The following LARGE1 variants were observed in gnomAD, a reference collection of about 807,000 sequenced individuals.
The protein encoded by LARGE1 is xylosyl- and glucuronyltransferase LARGE1.
A neutral mutation model predicts 87.6 loss-of-function variants in LARGE1; 43 were observed. The observed-to-expected ratio is 0.49, with a 90% CI of 0.38 to 0.63. The LOEUF is 0.63. Ranked by LOEUF, LARGE1 falls within the 30% of genes least tolerant of loss-of-function variation. LARGE1 has a pLI of 0.00. For synonymous variants in LARGE1, 434 were observed against 394.6 expected, an observed-to-expected ratio of 1.10 and a Z score of -1.18; for missense variants, 802 against 1,000.2, an observed-to-expected ratio of 0.80 and a Z score of 2.67.
intron 9 of LARGE1, among the ~76,000 whole-genome samples, chr22:33,365,976 C>T (rs537494787): frequency 4.6e-5 from 7 of 152,284 alleles, no homozygotes; most frequent in East Asian, 3.9e-4. Flanking sequence ...ATTAAATTTA[C>T]GGATTCATTC....
intron 6 of LARGE1, among the ~76,000 whole-genome samples, chr22:33,556,538 AGGAGGGAG>A (rs769770874): frequency 1.1e-3 from 81 of 72,570 alleles, no homozygotes; most frequent in Middle Eastern, 0.01. Context: ...GAGGGAGGGA[AGGAGGGAG>A]GGAGGGAGGG....
intron 6 of LARGE1, among the ~76,000 whole-genome samples, chr22:33,474,965 C>T (rs1306141446): frequency 6.6e-6 from 1 of 152,118 alleles, no homozygotes; most frequent in Non-Finnish European, 1.5e-5. Flanking sequence ...TTGTTTCTGA[C>T]AGTAATATCA....
intron 11 of LARGE1, among the ~76,000 whole-genome samples, chr22:33,306,180 A>C (rs1317137774): frequency 6.6e-6 from 1 of 152,088 alleles, no homozygotes; most frequent in Non-Finnish European, 1.5e-5. Context: ...TGCATTCTCC[A>C]TGACGCCTAA....
intron 1 of LARGE1, among the ~76,000 whole-genome samples, chr22:33,841,749 G>A (rs1798986177): frequency 6.6e-6 from 1 of 152,216 alleles, no homozygotes; most frequent in Non-Finnish European, 1.5e-5. Flanking sequence ...GTGGGTGTGA[G>A]TGTGGGTCTC....
intron 6 of LARGE1, among the ~76,000 whole-genome samples, chr22:33,505,023 G>A (rs1019234042): frequency 1.3e-5 from 2 of 152,228 alleles, no homozygotes; most frequent in Admixed American, 6.5e-5. Flanking sequence ...GGGGCATCAG[G>A]TATGAGGAGG....
intron 11 of LARGE1, among the ~76,000 whole-genome samples, chr22:33,247,170 A>C (rs1167301812): frequency 6.6e-6 from 1 of 152,182 alleles, no homozygotes; most frequent in East Asian, 1.9e-4. Flanking sequence ...GATTCATTAA[A>C]AAAAAACAAA....
intron 7 of LARGE1, among the ~76,000 whole-genome samples, chr22:33,411,580 T>G (rs1291612130): frequency 6.6e-6 from 1 of 152,230 alleles, no homozygotes; most frequent in African/African-American, 2.4e-5. Flanking sequence ...TATCAGAATT[T>G]AAAATATCCA....
At chr22:33,386,824 G>A (rs1013116319) in intron 7 of LARGE1, among the ~76,000 whole-genome samples, 1 of 148,922 alleles carries the variant, frequency 6.7e-6, no homozygotes, top group Admixed American at 6.7e-5. Flanking sequence ...GAATGAAGCC[G>A]GGCATGGTGG....
chr22:33,527,421 T>C (rs1268861430), intron 6 of LARGE1, among the ~76,000 whole-genome samples: 7 of 152,164 alleles, frequency 4.6e-5, no homozygotes, highest in African/African-American at 9.7e-5. Flanking sequence ...AGTGAGATGA[T>C]GCAGTGGAGA....
At chr22:33,733,713 A>G (rs1044605578) in intron 2 of LARGE1, 19 of 152,230 alleles carry the variant, frequency 1.2e-4, no homozygotes, top group African/African-American at 4.1e-4. Flanking sequence ...GGGAATGCAA[A>G]GAGATAAACC....
chr22:33,745,593 G>A (rs1045970516), intron 2 of LARGE1, among the ~76,000 whole-genome samples: 3 of 152,162 alleles, frequency 2.0e-5, no homozygotes, highest in African/African-American at 7.2e-5. Flanking sequence ...AGCATTTTGA[G>A]AAGCGTTAAC....
chr22:33,597,556 G>C (rs2079012298), intron 5 of LARGE1, among the ~76,000 whole-genome samples: 1 of 152,176 alleles, frequency 6.6e-6, no homozygotes, highest in African/African-American at 2.4e-5. Flanking sequence ...AGGCAATTAA[G>C]GATGAGTAGG....
At chr22:33,882,036 TTTTTTTTTG>T (rs1484508320) in intron 1 of LARGE1, among the ~76,000 whole-genome samples, 1 of 118,158 alleles carries the variant, frequency 8.5e-6, no homozygotes, top group African/African-American at 8.3e-5. Context: ...TTTGTTTTTG[TTTTTTTTTG>T]TTTTTTTTTT....
intron 1 of LARGE1, among the ~76,000 whole-genome samples, chr22:33,885,006 A>C (rs1483281889): frequency 6.6e-6 from 1 of 152,226 alleles, no homozygotes; most frequent in African/African-American, 2.4e-5. Context: ...TAATTACTGG[A>C]ACTTATTTAA....
At chr22:33,393,704 G>A (rs1246620088) in intron 7 of LARGE1, among the ~76,000 whole-genome samples, 1 of 152,174 alleles carries the variant, frequency 6.6e-6, no homozygotes, top group Non-Finnish European at 1.5e-5. Context: ...TCGGGGTCTG[G>A]GAGCTTGGAG....
At chr22:33,611,715 G>A (rs1446320972) in intron 4 of LARGE1, among the ~76,000 whole-genome samples, 2 of 152,278 alleles carry the variant, frequency 1.3e-5, no homozygotes, top group Admixed American at 6.5e-5. Flanking sequence ...ATGACATTTC[G>A]GGGGCCAGGA....
chr22:33,150,005 C>G, the LARGE1 span, among the ~76,000 whole-genome samples: 8 of 152,282 alleles, frequency 5.3e-5, no homozygotes, highest in East Asian at 1.5e-3. Flanking sequence ...AAAACTAACC[C>G]AAAAGTCCCA....
intron 1 of LARGE1, among the ~76,000 whole-genome samples, chr22:33,763,216 A>G: frequency 6.6e-6 from 1 of 152,234 alleles, no homozygotes; most frequent in South Asian, 2.1e-4. Context: ...GATTCTATCC[A>G]AAGGCCACCC....
intron 12 of LARGE1, among the ~76,000 whole-genome samples, chr22:33,292,437 G>C (rs746513073): frequency 6.6e-6 from 1 of 152,118 alleles, no homozygotes; most frequent in East Asian, 1.9e-4. Flanking sequence ...TCTATACTGG[G>C]GGGTTTGGGG....
Sources: allele counts gnomAD v4.1 joint callset (sites outside exome capture counted in the v4.1 genomes callset), GRCh38; gene constraint gnomAD v4.1.1; transcripts MANE v1.5; gene names NCBI Gene and HGNC (gene_info 2026-07-23, HGNC 2026-07-21).